SLC35F1: variants seen among roughly 807,000 people sequenced by gnomAD.
The protein encoded by SLC35F1 is chromosome 6 open reading frame 169.
In SLC35F1, 14 loss-of-function variants were observed where a neutral mutation model predicts 48.7. The observed-to-expected ratio is 0.29, with a 90% confidence interval of 0.19 to 0.45. The LOEUF (loss-of-function observed/expected upper bound fraction) is 0.45, where lower values mean the gene tolerates loss of function less well. SLC35F1 is among the 20% of genes least tolerant of loss of function. The pLI is 1.00. For synonymous variants in SLC35F1, 190 were observed against 202.2 expected (o/e 0.94, Z 0.51); for missense variants, 404 against 500.0 (o/e 0.81, Z 1.83).
chr6:118,219,845 AG>A (rs1269905803), intron 2 of SLC35F1, among the ~76,000 whole-genome samples: 4 of 152,248 alleles, frequency 2.6e-5, no homozygotes, highest in Non-Finnish European at 4.4e-5. Context: ...GCCATAAAAA[AG>A]GATGAGTTCA....
At chr6:117,925,039 G>A (rs750576520) in intron 1 of SLC35F1, among the ~76,000 whole-genome samples, 1 of 152,140 alleles carries the variant, frequency 6.6e-6, no homozygotes, top group Non-Finnish European at 1.5e-5. Flanking sequence ...AGCCACCTGA[G>A]AAAGAGAAAA....
intron 7 of SLC35F1, among the ~76,000 whole-genome samples, chr6:118,310,599 GC>G (rs1204119130): frequency 6.6e-6 from 1 of 151,862 alleles, no homozygotes; most frequent in Non-Finnish European, 1.5e-5. Context: ...TTGCTTGACT[GC>G]TGTCTTTTTG....
chr6:117,935,931 G>A (rs1246183268), intron 1 of SLC35F1, among the ~76,000 whole-genome samples: 3 of 152,132 alleles, frequency 2.0e-5, no homozygotes, highest in Non-Finnish European at 2.9e-5. Context: ...TATGGAGTCC[G>A]CAAACAATGA....
At chr6:118,149,847 T>C (rs1416394083) in intron 1 of SLC35F1, among the ~76,000 whole-genome samples, 1 of 152,230 alleles carries the variant, frequency 6.6e-6, no homozygotes, top group African/African-American at 2.4e-5. Flanking sequence ...ACAGATATCT[T>C]GATGGAAGAG....
intron 2 of SLC35F1, among the ~76,000 whole-genome samples, chr6:118,219,748 G>A (rs1247697749): frequency 2.6e-5 from 4 of 152,180 alleles, no homozygotes; most frequent in Non-Finnish European, 5.9e-5. Flanking sequence ...ATTCACAATA[G>A]CAAAGACTTG....
At chr6:118,123,784 T>G (rs1208936081) in intron 1 of SLC35F1, among the ~76,000 whole-genome samples, 2 of 151,990 alleles carry the variant, frequency 1.3e-5, no homozygotes, top group Non-Finnish European at 2.9e-5. Flanking sequence ...TTGGTGAGAG[T>G]TTCTGGAAAC....
At chr6:118,297,621 C>A (rs1776202343) in intron 7 of SLC35F1, among the ~76,000 whole-genome samples, 1 of 89,948 alleles carries the variant, frequency 1.1e-5, no homozygotes, top group African/African-American at 5.5e-5. Flanking sequence ...TTTCTCAGAA[C>A]TTATATATAT....
At chr6:117,978,254 A>G (rs918287603) in intron 1 of SLC35F1, among the ~76,000 whole-genome samples, 2 of 152,170 alleles carry the variant, frequency 1.3e-5, no homozygotes, top group Non-Finnish European at 2.9e-5. Context: ...CCACTTTGAA[A>G]GAATATTCCT....
rs200756021 is a variant in SLC35F1 at position 117,907,894 on chromosome 6, G to A, written c.168G>A (p.Leu56=). The change falls in exon 1 of 8, where the codon CTG becomes CTA. Residue 56 remains leucine (L), a synonymous_variant. Transcript: ENST00000360388. ...TGCGCCAGAGGATCCGCAAAGTGCT[G>A]AACAGGTGAGCGGCGGCGCCGGGCG... ...AGVRQRIRKV[L]NREMLISVAL... The A allele has an allele frequency of 6.0e-3, 8,436 of 1,406,656 alleles. 36 individuals are homozygous for A. The highest frequency in any genetic ancestry group is 6.7e-3 in the Non-Finnish European group (7,238 of 1,088,156). The allele number at this position is 1,406,656 out of a possible 1,614,324, so 87.1% of individuals were successfully genotyped here.
intron 2 of SLC35F1, among the ~76,000 whole-genome samples, chr6:118,205,986 G>A (rs947384351): frequency 3.9e-5 from 6 of 152,128 alleles, no homozygotes; most frequent in Non-Finnish European, 7.4e-5. Context: ...CTGGGGAAGG[G>A]GGACATAGGG....
At chr6:118,122,621 A>C (rs1236272638) in intron 1 of SLC35F1, among the ~76,000 whole-genome samples, 1 of 152,210 alleles carries the variant, frequency 6.6e-6, no homozygotes, top group Non-Finnish European at 1.5e-5. Context: ...CAGAGCTTCC[A>C]ACAAACAACA....
chr6:118,250,058 C>T (rs1211877280), intron 3 of SLC35F1, among the ~76,000 whole-genome samples: 1 of 152,198 alleles, frequency 6.6e-6, no homozygotes, highest in African/African-American at 2.4e-5. Context: ...TTCATTGCTT[C>T]ATTGGTTATT....
intron 1 of SLC35F1, among the ~76,000 whole-genome samples, chr6:118,006,827 T>C (rs1777179649): frequency 6.6e-6 from 1 of 152,090 alleles, no homozygotes; most frequent in African/African-American, 2.4e-5. Flanking sequence ...GCTCATGAGA[T>C]GAGTAGTTCT....
chr6:118,097,266 T>C (rs1236864046), intron 1 of SLC35F1, among the ~76,000 whole-genome samples: 1 of 152,200 alleles, frequency 6.6e-6, no homozygotes, highest in African/African-American at 2.4e-5. Flanking sequence ...TTTTGTGCTA[T>C]ATGCAGACCA....
At chr6:117,924,473 CATATGTATAT>C (rs1164104678) in intron 1 of SLC35F1, among the ~76,000 whole-genome samples, 12 of 17,112 alleles carry the variant, frequency 7.0e-4, no homozygotes, top group African/African-American at 1.2e-3. Context: ...TACATATATA[CATATGTATAT>C]ACGTATATAC....
chr6:118,178,773 G>T (rs1490167128), intron 2 of SLC35F1, among the ~76,000 whole-genome samples: 1 of 152,070 alleles, frequency 6.6e-6, no homozygotes, highest in Non-Finnish European at 1.5e-5. Flanking sequence ...GAGTGGGTTT[G>T]TGCACTAAAA....
chr6:118,015,834 G>A (rs1304109434), intron 1 of SLC35F1, among the ~76,000 whole-genome samples: 1 of 152,034 alleles, frequency 6.6e-6, no homozygotes, highest in Non-Finnish European at 1.5e-5. Flanking sequence ...TTCTTTACCA[G>A]ACTAAAAGCT....
intron 1 of SLC35F1, among the ~76,000 whole-genome samples, chr6:117,958,662 C>A (rs992639167): frequency 1.7e-4 from 26 of 152,156 alleles, no homozygotes; most frequent in Admixed American, 1.6e-3. Flanking sequence ...GTAGGCCATG[C>A]CACAGAGCCT....
At chr6:117,978,963 G>T (rs548629108) in intron 1 of SLC35F1, among the ~76,000 whole-genome samples, 8 of 152,248 alleles carry the variant, frequency 5.3e-5, no homozygotes, top group African/African-American at 1.9e-4. Context: ...GGCATGTGGA[G>T]CTTGCTCTGG....
Sources: gnomAD v4.1 joint callset for allele counts (sites outside exome capture counted in the v4.1 genomes callset) on GRCh38, gnomAD v4.1.1 for gene constraint, MANE v1.5 for transcripts, NCBI Gene and HGNC (gene_info 2026-07-23, HGNC 2026-07-21) for gene names.